Variants in MYRIP observed in about 807,000 individuals in gnomAD.
MYRIP encodes rab effector MyRIP.
Under a neutral mutation model 98.0 loss-of-function variants are expected in MYRIP, and 49 were observed. The observed-to-expected ratio is 0.50, with a 90% CI of 0.40 to 0.63. The LOEUF (loss-of-function observed/expected upper bound fraction) is 0.63, where lower values mean the gene tolerates loss of function less well. MYRIP is among the 30% of genes least tolerant of loss of function. MYRIP has a pLI of 0.00. For missense variants in MYRIP, 1,004 were observed against 1,058.2 expected (o/e 0.95, Z 0.71); for synonymous variants, 404 against 409.5 (o/e 0.99, Z 0.16).
At chr3:40,003,691 G>A (rs1041229037) in intron 2 of MYRIP, among the ~76,000 whole-genome samples, 1 of 152,100 alleles carries the variant, frequency 6.6e-6, no homozygotes, top group Admixed American at 6.5e-5. Context: ...AAGTCTTTCG[G>A]CACTCTGAAT....
chr3:40,019,716 C>T (rs111605961), intron 2 of MYRIP, among the ~76,000 whole-genome samples: 2,634 of 132,274 alleles, frequency 0.02, 69 homozygotes, highest in African/African-American at 0.075. Flanking sequence ...CAATTCAATC[C>T]CCCCCCCGCT....
rs377330349 is a variant in MYRIP at position 40,182,261 on chromosome 3, G to A, written c.915G>A (p.Leu305=). ...TCTCAATCACTGGAGAAGAAGCCCT[G>A]AAGACCCCTCCAGTGGAGGCTCCAT... ...SAFSITGEEA[L]KTPPVEAPSR... is the part of the protein sequence containing the mutation. Residue 305 remains leucine, a synonymous_variant, in exon 9 of 17, where the codon CTG becomes CTA. Coordinates refer to ENST00000302541, the MANE Select transcript of MYRIP (RefSeq NM_015460.4). 5 of 1,613,798 alleles carry A rather than the reference G, an allele frequency of 3.1e-6. No homozygotes were observed. Among genetic ancestry groups the A allele is most frequent in the Middle Eastern group, 1.7e-4 (1 of 6,058 alleles).
At chr3:40,061,236 C>A (rs1316803061) in intron 3 of MYRIP, among the ~76,000 whole-genome samples, 1 of 152,176 alleles carries the variant, frequency 6.6e-6, no homozygotes, top group Admixed American at 6.5e-5. Flanking sequence ...CCTTCTCCTA[C>A]CCTCCACCCT....
chr3:40,252,395 A>G (rs1321539440), intron 16 of MYRIP, among the ~76,000 whole-genome samples: 5 of 152,184 alleles, frequency 3.3e-5, no homozygotes, highest in Non-Finnish European at 5.9e-5. Flanking sequence ...TGACCTAATC[A>G]CTTTGAGCCA....
At chr3:39,860,578 A>G (rs4676525) in intron 1 of MYRIP, among the ~76,000 whole-genome samples, 72,021 of 151,936 alleles carry the variant, frequency 0.47, 18,038 homozygotes, top group African/African-American at 0.64. Flanking sequence ...TTCTTGTGGT[A>G]CATCCTTAGA....
chr3:39,882,407 T>C (rs552891167), intron 1 of MYRIP, among the ~76,000 whole-genome samples: 1 of 152,308 alleles, frequency 6.6e-6, no homozygotes, highest in South Asian at 2.1e-4. Flanking sequence ...AGTCTTAAGA[T>C]AGTTTGCAAA....
chr3:40,125,220 A>C (rs535669684), intron 3 of MYRIP, among the ~76,000 whole-genome samples: 5 of 152,208 alleles, frequency 3.3e-5, no homozygotes, highest in Non-Finnish European at 7.3e-5. Flanking sequence ...GGACAGAACT[A>C]ATAGGATAGA....
chr3:39,855,766 C>G (rs945697059), intron 1 of MYRIP, among the ~76,000 whole-genome samples: 1 of 152,140 alleles, frequency 6.6e-6, no homozygotes, highest in African/African-American at 2.4e-5. Context: ...CCTTGCCTAT[C>G]CCTGTCTTCT....
chr3:39,930,724 A>G (rs1254271740), intron 2 of MYRIP, among the ~76,000 whole-genome samples: 1 of 151,972 alleles, frequency 6.6e-6, no homozygotes, highest in Non-Finnish European at 1.5e-5. Flanking sequence ...TAGGATTCCA[A>G]CTTCATTCTT....
chr3:40,131,509 G>C (rs1456660186), intron 3 of MYRIP, among the ~76,000 whole-genome samples: 2 of 152,062 alleles, frequency 1.3e-5, no homozygotes, highest in Non-Finnish European at 2.9e-5. Flanking sequence ...AAGTGAGGAG[G>C]GTAGAGCTCC....
At chr3:39,901,002 C>A in intron 2 of MYRIP, 76 bp downstream of exon 2, 1 of 1,063,980 alleles carries the variant, frequency 9.4e-7, no homozygotes. Flanking sequence ...TGAGGGTATT[C>A]CCTCCTGCTA....
chr3:39,939,332 A>G (rs1944726941), intron 2 of MYRIP, among the ~76,000 whole-genome samples: 1 of 152,188 alleles, frequency 6.6e-6, no homozygotes, highest in South Asian at 2.1e-4. Context: ...AGAGAGGGCA[A>G]CACTCTAGAG....
intron 3 of MYRIP, among the ~76,000 whole-genome samples, chr3:40,116,169 G>A (rs1451861904): frequency 6.6e-6 from 1 of 152,150 alleles, no homozygotes; most frequent in Non-Finnish European, 1.5e-5. Flanking sequence ...CCTGGATGGG[G>A]GCACACTCAC....
chr3:39,891,108 G>A (rs1278342268), intron 1 of MYRIP, among the ~76,000 whole-genome samples: 1 of 151,852 alleles, frequency 6.6e-6, no homozygotes, highest in Non-Finnish European at 1.5e-5. Flanking sequence ...TATTTTCCCA[G>A]TTGCTTTTTA....
chr3:39,979,873 T>C (rs1439675823), intron 2 of MYRIP, among the ~76,000 whole-genome samples: 2 of 152,188 alleles, frequency 1.3e-5, no homozygotes, highest in Non-Finnish European at 2.9e-5. Context: ...GATGCTTTTG[T>C]AATGAAAAAT....
chr3:40,212,219 T>C (rs1361538957), intron 11 of MYRIP, among the ~76,000 whole-genome samples: 1 of 79,472 alleles, frequency 1.3e-5, no homozygotes, highest in African/African-American at 3.4e-5. Context: ...TGTGTATATA[T>C]ATATATACAC....
At chr3:40,195,697 G>GT (rs34213599) in intron 10 of MYRIP, among the ~76,000 whole-genome samples, 25 of 150,076 alleles carry the variant, frequency 1.7e-4, no homozygotes, top group Admixed American at 4.6e-4. Context: ...CTTGATTATG[G>GT]TTTTTTTTTA....
chr3:39,942,983 A>G (rs1944824531), intron 2 of MYRIP, among the ~76,000 whole-genome samples: 1 of 152,166 alleles, frequency 6.6e-6, no homozygotes, highest in Non-Finnish European at 1.5e-5. Context: ...TAAATGAGAT[A>G]GTTGTTTTCT....
At chr3:40,142,948 G>C (rs1396826246) in intron 3 of MYRIP, among the ~76,000 whole-genome samples, 2 of 152,194 alleles carry the variant, frequency 1.3e-5, no homozygotes, top group African/African-American at 4.8e-5. Context: ...AAATGCCTGG[G>C]ACAGAAAGCA....
Sources: allele counts gnomAD v4.1 joint callset (sites outside exome capture counted in the v4.1 genomes callset), GRCh38; gene constraint gnomAD v4.1.1; transcripts MANE v1.5; gene names NCBI Gene and HGNC (gene_info 2026-07-23, HGNC 2026-07-21).